The following C8A variants were observed in gnomAD, a reference collection of about 807,000 sequenced individuals.
The protein encoded by C8A is complement C8 alpha chain, also known as complement component C8 alpha chain.
C8A carries 67 observed loss-of-function variants against 65.3 expected under a neutral mutation model. The observed-to-expected ratio is 1.03, with a 90% CI of 0.84 to 1.26. The LOEUF (loss-of-function observed/expected upper bound fraction) is 1.26. Ranked by LOEUF, C8A falls within the 50% of genes most tolerant of loss-of-function variation. The pLI, the probability that C8A is intolerant of heterozygous loss-of-function variation, is 0.00. For missense variants in C8A, 781 were observed against 723.9 expected, an observed-to-expected ratio of 1.08 and a Z score of -0.90; for synonymous variants, 290 against 259.4, an observed-to-expected ratio of 1.12 and a Z score of -1.13.
chr1:56,880,975 T>G (rs1029955663), intron 4 of C8A, among the ~76,000 whole-genome samples: 1 of 152,160 alleles, frequency 6.6e-6, no homozygotes, highest in Non-Finnish European at 1.5e-5. Context: ...TTGCACATAT[T>G]CTTCTCTAAC....
At chr1:56,887,209 A>G (rs1644306771) in intron 7 of C8A, among the ~76,000 whole-genome samples, 1 of 152,182 alleles carries the variant, frequency 6.6e-6, no homozygotes, top group African/African-American at 2.4e-5. Context: ...TCTTTAAAAA[A>G]CAATTTTCCA....
chr1:56,869,056 G>A (rs141456446), intron 2 of C8A, among the ~76,000 whole-genome samples: 4 of 152,126 alleles, frequency 2.6e-5, no homozygotes, highest in East Asian at 1.9e-4. Flanking sequence ...TTTGGGAAAC[G>A]TAGGTTTTGG....
chr1:56,900,053 G>T (rs1296039351), intron 7 of C8A, among the ~76,000 whole-genome samples: 9 of 152,188 alleles, frequency 5.9e-5, no homozygotes, highest in Non-Finnish European at 7.3e-5. Flanking sequence ...CCCTTATCAA[G>T]TAGGAGGAAG....
chr1:56,856,519 T>A (rs1195706630), intron 1 of C8A, among the ~76,000 whole-genome samples: 1 of 152,158 alleles, frequency 6.6e-6, no homozygotes, highest in African/African-American at 2.4e-5. Flanking sequence ...AATATGCCAA[T>A]TGGCATGGAT....
At chr1:56,859,167 C>T (rs1248474160) in intron 1 of C8A, among the ~76,000 whole-genome samples, 2 of 152,188 alleles carry the variant, frequency 1.3e-5, no homozygotes, top group East Asian at 1.9e-4. Context: ...CCTACATAAC[C>T]TTAAGCAAGT....
intron 4 of C8A, among the ~76,000 whole-genome samples, chr1:56,879,096 C>A (rs888229292): frequency 6.6e-6 from 1 of 152,142 alleles, no homozygotes; most frequent in Non-Finnish European, 1.5e-5. Context: ...ACAGCTTTTA[C>A]CCTGCGATGA....
intron 1 of C8A, among the ~76,000 whole-genome samples, chr1:56,865,637 A>G (rs1644078313): frequency 6.6e-6 from 1 of 152,186 alleles, no homozygotes; most frequent in African/African-American, 2.4e-5. Context: ...AAAACTACCA[A>G]ACTATGGTTA....
chr1:56,904,028 G>T (rs1198625763), intron 7 of C8A, among the ~76,000 whole-genome samples: 1 of 152,206 alleles, frequency 6.6e-6, no homozygotes, highest in Non-Finnish European at 1.5e-5. Context: ...GGATTGTCTA[G>T]TTCCATGAAT....
chr1:56,889,170 A>G (rs909157728), intron 7 of C8A, among the ~76,000 whole-genome samples: 1 of 152,192 alleles, frequency 6.6e-6, no homozygotes, highest in African/African-American at 2.4e-5. Flanking sequence ...ATAATAGCAC[A>G]ATTTGCTATT....
chr1:56,892,963 G>T (rs1022472423), intron 7 of C8A, among the ~76,000 whole-genome samples: 2 of 152,080 alleles, frequency 1.3e-5, no homozygotes, highest in Admixed American at 6.6e-5. Flanking sequence ...GCTTTGCAAA[G>T]ACCTCACAGA....
intron 1 of C8A, among the ~76,000 whole-genome samples, chr1:56,855,450 T>C (rs1643964576): frequency 6.6e-6 from 1 of 152,156 alleles, no homozygotes; most frequent in Non-Finnish European, 1.5e-5. Context: ...TGGGGGAGGA[T>C]AAAATTAGAT....
intron 7 of C8A, among the ~76,000 whole-genome samples, chr1:56,892,029 C>T (rs1330922826): frequency 6.6e-6 from 1 of 152,078 alleles, no homozygotes; most frequent in Non-Finnish European, 1.5e-5. Context: ...CATTGAGCTG[C>T]ATTCTCCTTG....
At chr1:56,860,622 T>C (rs1231865850) in intron 1 of C8A, among the ~76,000 whole-genome samples, 2 of 152,110 alleles carry the variant, frequency 1.3e-5, no homozygotes, top group Non-Finnish European at 2.9e-5. Context: ...AATGAAGAGT[T>C]TACATGTGGA....
In C8A at chr1:56,896,361, G is replaced by A. The variant is rs574764197; in HGVS notation, c.1096+10194G>A. Among the ~76,000 whole-genome samples, 121 of 152,270 alleles carry A rather than the reference G, an allele frequency of 7.9e-4. 3 individuals are homozygous for A. The South Asian group carries it at 0.022, about 27-fold the overall frequency. On this transcript the variant is annotated intron_variant, in intron 7 of 10. Coordinates refer to ENST00000361249, the MANE Select transcript of C8A (RefSeq NM_000562.3). Reference sequence around the variant, plus strand: ...CGTTTCAGTCCAAGTCTGAAGGCCCGAGAACCTGGGCAGCCAGTGATGTAT... The same window carrying A: ...CGTTTCAGTCCAAGTCTGAAGGCCCAAGAACCTGGGCAGCCAGTGATGTAT...
intron 2 of C8A, among the ~76,000 whole-genome samples, chr1:56,871,715 C>A (rs1408813186): frequency 2.0e-5 from 3 of 152,018 alleles, no homozygotes; most frequent in Admixed American, 2.0e-4. Context: ...AGTGTTTGGC[C>A]AAGAGTAGGC....
At chr1:56,884,170 A>T (rs2101239674) in intron 6 of C8A, among the ~76,000 whole-genome samples, 1 of 152,102 alleles carries the variant, frequency 6.6e-6, no homozygotes, top group South Asian at 2.1e-4. Context: ...AAGAACATTG[A>T]TCTAAGCTTA....
chr1:56,886,016 G>T lies in C8A; in HGVS notation c.945G>T (p.Leu315=), dbSNP rs562380219. The part of the protein sequence containing the change: ...KDDIMLDEGM[L]QSLMELPDQY... ...ACATTATGCTGGATGAAGGAATGCT[G>T]CAGTCATTAATGGAGCTTCCAGATC... The change falls in exon 7 of 11, where the codon CTG becomes CTT. Residue 315 remains leucine (L), a synonymous_variant. Coordinates refer to ENST00000361249, the MANE Select transcript of C8A (RefSeq NM_000562.3). The T allele has an allele frequency of 1.9e-6, 3 of 1,614,060 alleles. No individual in the cohort carries two copies. Among genetic ancestry groups the T allele is most frequent in the Non-Finnish European group, 2.5e-6 (3 of 1,179,932 alleles).
At chr1:56,881,395 A>G (rs1267210981) in intron 4 of C8A, 50 bp from the exon 5 acceptor site, 3 of 1,590,308 alleles carry the variant, frequency 1.9e-6, no homozygotes, top group Non-Finnish European at 2.6e-6. Context: ...TCACCCAGGT[A>G]TAAAACCCAG....
intron 10 of C8A, among the ~76,000 whole-genome samples, chr1:56,915,202 A>G (rs984345692): frequency 6.6e-6 from 1 of 152,162 alleles, no homozygotes; most frequent in African/African-American, 2.4e-5. Context: ...TGCTGGCAAA[A>G]GGGGATAGAA....
Sources: gnomAD v4.1 joint callset for allele counts (sites outside exome capture counted in the v4.1 genomes callset) on GRCh38, gnomAD v4.1.1 for gene constraint, MANE v1.5 for transcripts, NCBI Gene and HGNC (gene_info 2026-07-23, HGNC 2026-07-21) for gene names.